The following TBPL1 variants were observed in gnomAD, a reference collection of about 807,000 sequenced individuals.
The protein encoded by TBPL1 is TATA-box binding protein like 1, also known as TATA box-binding protein-like 1.
Under a neutral mutation model 22.1 loss-of-function variants are expected in TBPL1, and 4 were observed. That is an observed-to-expected ratio of 0.18 (90% CI 0.09 to 0.41). The LOEUF (loss-of-function observed/expected upper bound fraction) is 0.41. Ranked by LOEUF, TBPL1 falls within the 10% of genes least tolerant of loss-of-function variation. TBPL1 has a pLI of 1.00. For missense variants in TBPL1, 115 were observed against 222.3 expected (o/e 0.52, Z 3.07); for synonymous variants, 64 against 71.0 (o/e 0.90, Z 0.50).
At chr6:133,959,859 A>G (rs916832168) in intron 1 of TBPL1, among the ~76,000 whole-genome samples, 2 of 152,208 alleles carry the variant, frequency 1.3e-5, no homozygotes, top group Non-Finnish European at 2.9e-5. Context: ...AATAAAGTCA[A>G]TGTGTAACCC....
At chr6:133,972,456 C>T (rs1222566839) in intron 1 of TBPL1, among the ~76,000 whole-genome samples, 3 of 152,172 alleles carry the variant, frequency 2.0e-5, no homozygotes, top group African/African-American at 7.2e-5. Flanking sequence ...GGTAGTGCCT[C>T]TTTGGGCTTG....
At chr6:133,969,901 C>G (rs1209566932) in intron 1 of TBPL1, among the ~76,000 whole-genome samples, 1 of 152,200 alleles carries the variant, frequency 6.6e-6, no homozygotes, top group Non-Finnish European at 1.5e-5. Flanking sequence ...ATAATTCCTA[C>G]ATTTGTCTAG....
intron 1 of TBPL1, among the ~76,000 whole-genome samples, chr6:133,961,339 T>C (rs1268414455): frequency 6.6e-6 from 1 of 152,186 alleles, no homozygotes; most frequent in Non-Finnish European, 1.5e-5. Flanking sequence ...TGCAGTTCAG[T>C]AGACACTTAT....
Position 133,988,309 on chromosome 6 carries a change from G to T in TBPL1, c.*1269G>T, listed in dbSNP as rs1776567236. 1 of 152,162 alleles carries T rather than the reference G, an allele frequency of 6.6e-6. No homozygotes were observed. Among genetic ancestry groups the T allele is most frequent in the Non-Finnish European group, 1.5e-5 (1 of 68,012 alleles). 9.4% of individuals were successfully genotyped at this position (152,162 alleles called of 1,614,324 possible). A position where few individuals can be genotyped will look rare whatever the true frequency, so the allele number is the denominator to read the frequency against. On this transcript the variant is annotated 3_prime_UTR_variant, in exon 7 of 7. Transcript: ENST00000237264. Reference sequence around the variant, plus strand: ...CAGGAGCCCTGATGTGGTAATACAGGATCAAGCTGTAGTTGTGCCCTGTCA... The same window carrying T: ...CAGGAGCCCTGATGTGGTAATACAGTATCAAGCTGTAGTTGTGCCCTGTCA...
chr6:133,963,874 CAAA>C (rs1232594843), intron 1 of TBPL1, among the ~76,000 whole-genome samples: 2 of 94,426 alleles, frequency 2.1e-5, no homozygotes, highest in Admixed American at 1.1e-4. Context: ...ACTAAAAATA[CAAA>C]AAAAAAAAAA....
intron 1 of TBPL1, among the ~76,000 whole-genome samples, chr6:133,966,243 TAAA>T (rs970267272): frequency 2.6e-5 from 4 of 152,238 alleles, no homozygotes; most frequent in East Asian, 1.9e-4. Context: ...GGTACAGAAA[TAAA>T]GAAGATTTGA....
chr6:133,965,454 A>G (rs1030930635), intron 1 of TBPL1, among the ~76,000 whole-genome samples: 2 of 152,134 alleles, frequency 1.3e-5, no homozygotes, highest in African/African-American at 4.8e-5. Context: ...CTAGCATAAT[A>G]CCTATTTCGT....
intron 2 of TBPL1, among the ~76,000 whole-genome samples, chr6:133,980,579 A>C (rs1047348158): frequency 7.9e-5 from 12 of 151,924 alleles, no homozygotes; most frequent in Non-Finnish European, 1.6e-4. Context: ...TTATATTTGA[A>C]TTATATTTGA....
chr6:133,984,024 C>G (rs939108591), intron 4 of TBPL1, among the ~76,000 whole-genome samples: 1 of 152,168 alleles, frequency 6.6e-6, no homozygotes, highest in East Asian at 1.9e-4. Flanking sequence ...CATTTTTACT[C>G]TAGCAGGATG....
chr6:133,966,208 G>A (rs1051150213), intron 1 of TBPL1, among the ~76,000 whole-genome samples: 4 of 152,142 alleles, frequency 2.6e-5, no homozygotes, highest in Non-Finnish European at 4.4e-5. Context: ...TGTGTATGGC[G>A]CATTGGGAAC....
intron 1 of TBPL1, among the ~76,000 whole-genome samples, chr6:133,958,285 A>G (rs1775961369): frequency 6.6e-6 from 1 of 152,194 alleles, no homozygotes; most frequent in Non-Finnish European, 1.5e-5. Context: ...AGAAGGCACT[A>G]TTTTTTACTT....
intron 1 of TBPL1, among the ~76,000 whole-genome samples, chr6:133,968,268 C>G (rs1198151582): frequency 6.6e-6 from 1 of 152,090 alleles, no homozygotes; most frequent in Non-Finnish European, 1.5e-5. Flanking sequence ...CTTATATAAT[C>G]AGAAAATGAC....
At chr6:133,969,044 T>G (rs1776172479) in intron 1 of TBPL1, 1 of 152,178 alleles carries the variant, frequency 6.6e-6, no homozygotes, top group Non-Finnish European at 1.5e-5. Context: ...TGTTTAAACA[T>G]TATTAAGATG....
At chr6:133,961,418 C>T (rs1047390605) in intron 1 of TBPL1, among the ~76,000 whole-genome samples, 1 of 151,424 alleles carries the variant, frequency 6.6e-6, no homozygotes, top group African/African-American at 2.4e-5. Flanking sequence ...TTTCATATGG[C>T]TGGCTACTTC....
intron 1 of TBPL1, among the ~76,000 whole-genome samples, chr6:133,969,643 C>T (rs1445340345): frequency 1.3e-5 from 2 of 152,054 alleles, no homozygotes; most frequent in Non-Finnish European, 2.9e-5. Context: ...GTAAAATTTT[C>T]TTCATGTGGC....
chr6:133,980,230 A>G lies in TBPL1; in HGVS notation c.105A>G (p.Gly35=). The change falls in exon 2 of 7, where the codon GGA becomes GGG. Residue 35 remains glycine, a synonymous_variant. Transcript: ENST00000237264. The part of the protein sequence containing the change: ...HLNLRKIALE[G]ANVIYKRDVG... ...ACTTAAGGAAGATTGCTTTGGAAGG[A>G]GCAAATGTAATTTATAAACGTGATG... is the stretch of plus-strand genomic sequence containing the variant. The G allele has an allele frequency of 6.2e-7, 1 of 1,608,912 alleles. No individual in the cohort carries two copies. The highest frequency in any genetic ancestry group is 8.5e-7 in the Non-Finnish European group (1 of 1,178,088).
In TBPL1 at chr6:133,988,592, A is replaced by G. The variant is rs1265699985; in HGVS notation, c.*1552A>G. ...GCTTAGGCACTGCACTGAACAACAC[A>G]TATTATTTTTATCTTTTTTCTTCTC... On this transcript the variant is annotated 3_prime_UTR_variant, in exon 7 of 7. Coordinates refer to ENST00000237264, the MANE Select transcript of TBPL1 (RefSeq NM_004865.4). The G allele has an allele frequency of 6.6e-6, 1 of 152,194 alleles. No homozygotes were observed. Among genetic ancestry groups the G allele is most frequent in the Non-Finnish European group, 1.5e-5 (1 of 68,038 alleles). The allele number at this position is 152,194 out of a possible 1,614,324, so 9.4% of individuals were successfully genotyped here.
chr6:133,979,801 C>G (rs1254794772), intron 1 of TBPL1, among the ~76,000 whole-genome samples: 1 of 152,000 alleles, frequency 6.6e-6, no homozygotes, highest in Non-Finnish European at 1.5e-5. Context: ...CATGCACCAT[C>G]ATGCCCGGCT....
chr6:133,967,586 A>G (rs1776141480), intron 1 of TBPL1, among the ~76,000 whole-genome samples: 1 of 152,242 alleles, frequency 6.6e-6, no homozygotes, highest in African/African-American at 2.4e-5. Context: ...GCTATGTAGT[A>G]TAGCCTATTG....
Sources: allele counts gnomAD v4.1 joint callset (sites outside exome capture counted in the v4.1 genomes callset), GRCh38; gene constraint gnomAD v4.1.1; transcripts MANE v1.5; gene names NCBI Gene and HGNC (gene_info 2026-07-23, HGNC 2026-07-21).